Variants in RAPH1 observed in about 807,000 individuals in gnomAD.
RAPH1 encodes the protein ras-associated and pleckstrin homology domains-containing protein 1.
Under a neutral mutation model 88.1 loss-of-function variants are expected in RAPH1, and 18 were observed. The ratio of observed to expected loss-of-function variants is 0.20; its 90% CI spans 0.14 to 0.30. RAPH1 has a LOEUF of 0.30. RAPH1 is among the 10% of genes least tolerant of loss of function. The pLI, the probability that RAPH1 is intolerant of heterozygous loss-of-function variation, is 1.00. For synonymous variants in RAPH1, 587 were observed against 559.0 expected (o/e 1.05, Z -0.71); for missense variants, 1,448 against 1,543.2 (o/e 0.94, Z 1.03).
At chr2:203,526,930 C>T (rs1187397918) in intron 1 of RAPH1, among the ~76,000 whole-genome samples, 4 of 151,796 alleles carry the variant, frequency 2.6e-5, no homozygotes, top group African/African-American at 9.7e-5. Context: ...ATTACAGGCA[C>T]ATGCCACCAC....
At chr2:203,463,956 C>T (rs1467857544) in intron 4 of RAPH1, among the ~76,000 whole-genome samples, 2 of 152,078 alleles carry the variant, frequency 1.3e-5, no homozygotes, top group Non-Finnish European at 2.9e-5. Flanking sequence ...TTTTGATGAA[C>T]AGAGCACTAC....
At chr2:203,534,665 G>A (rs2106029579) in intron 1 of RAPH1, among the ~76,000 whole-genome samples, 1 of 152,250 alleles carries the variant, frequency 6.6e-6, no homozygotes, top group South Asian at 2.1e-4. Context: ...CAAAATCTCT[G>A]CACTGAACTC....
intron 12 of RAPH1, 123 bp downstream of exon 12, chr2:203,447,836 A>C: frequency 1.1e-6 from 1 of 950,862 alleles, no homozygotes; most frequent in South Asian, 1.9e-5. Context: ...ATTGATTATA[A>C]TTTAGGAATT....
At chr2:203,472,741 ACT>A (rs2105744163) in intron 4 of RAPH1, among the ~76,000 whole-genome samples, 1 of 152,298 alleles carries the variant, frequency 6.6e-6, no homozygotes, top group East Asian at 1.9e-4. Flanking sequence ...ATCAAAACAA[ACT>A]ATGATTTGGT....
Position 203,434,656 on chromosome 2 carries a change from G to C in RAPH1, c.*4781C>G, listed in dbSNP as rs932925294. ...TTACAATAAATTTAACGAATGGACA[G>C]TTTGCAAAATATAAGGGTTTCTCCC... is the stretch of plus-strand genomic sequence containing the variant. On this transcript the variant is annotated 3_prime_UTR_variant, in exon 14 of 14. Coordinates refer to ENST00000319170, the MANE Select transcript of RAPH1 (RefSeq NM_213589.3). The C allele has an allele frequency of 6.6e-6, 1 of 152,396 alleles. No individual in the cohort carries two copies. Among genetic ancestry groups the C allele is most frequent in the Non-Finnish European group, 1.5e-5 (1 of 68,010 alleles). 9.4% of individuals were successfully genotyped at this position (152,396 alleles called of 1,614,324 possible).
At chr2:203,507,055 C>A (rs374514031) in intron 1 of RAPH1, among the ~76,000 whole-genome samples, 1 of 150,192 alleles carries the variant, frequency 6.7e-6, no homozygotes, top group Non-Finnish European at 1.5e-5. Context: ...TGCCACCACA[C>A]CCGGCTAATT....
chr2:203,526,709 A>AAC (rs1378353010), intron 1 of RAPH1, among the ~76,000 whole-genome samples: 1 of 144,792 alleles, frequency 6.9e-6, no homozygotes, highest in Non-Finnish European at 1.5e-5. Flanking sequence ...TCTGTCTCAA[A>AAC]AAAAAAAAAA....
intron 4 of RAPH1, among the ~76,000 whole-genome samples, chr2:203,484,457 C>T (rs1023850771): frequency 5.9e-5 from 9 of 152,184 alleles, no homozygotes; most frequent in African/African-American, 1.9e-4. Flanking sequence ...TAGTAGCACA[C>T]GCCCTTGATG....
chr2:203,483,761 G>C (rs367982871), intron 4 of RAPH1, among the ~76,000 whole-genome samples: 9 of 152,286 alleles, frequency 5.9e-5, no homozygotes, highest in Non-Finnish European at 7.4e-5. Context: ...AAAAAAGGCA[G>C]AGAAAAGGTG....
In RAPH1 at chr2:203,454,487, A is replaced by G. The variant is rs772335775; in HGVS notation, c.1356T>C (p.Tyr452=). ...FLQLDHVNVY[Y]GQDYRNKYKA... is the part of the protein sequence containing the mutation. Reference sequence around the variant, plus strand: ...TGTATTTGTTCCGATAGTCCTGGCCATAATAAACGTTGACATGATCCAGCT... The same window carrying G: ...TGTATTTGTTCCGATAGTCCTGGCCGTAATAAACGTTGACATGATCCAGCT... Residue 452 remains tyrosine (Y), a synonymous_variant, in exon 10 of 14, where the codon TAT becomes TAC. Coordinates refer to ENST00000319170, the MANE Select transcript of RAPH1 (RefSeq NM_213589.3). The G allele has an allele frequency of 1.9e-6, 3 of 1,613,874 alleles. No homozygotes were observed. Among genetic ancestry groups the G allele is most frequent in the East Asian group, 4.5e-5 (2 of 44,856 alleles).
intron 10 of RAPH1, among the ~76,000 whole-genome samples, chr2:203,451,740 T>G (rs1482836971): frequency 6.6e-6 from 1 of 152,214 alleles, no homozygotes; most frequent in South Asian, 2.1e-4. Context: ...TATGGCTATC[T>G]CCTCCTCCCC....
At chr2:203,445,348 GTC>G (rs1307889077) in intron 12 of RAPH1, 3 of 207,668 alleles carry the variant, frequency 1.4e-5, no homozygotes, top group Non-Finnish European at 1.9e-5. Flanking sequence ...CAGTAGAGGA[GTC>G]TCTCAATCAT....
At chr2:203,489,277 T>C (rs905363593) in intron 4 of RAPH1, among the ~76,000 whole-genome samples, 1 of 152,230 alleles carries the variant, frequency 6.6e-6, no homozygotes, top group Non-Finnish European at 1.5e-5. Context: ...AACTAAATGG[T>C]TTTGTGAATC....
intron 1 of RAPH1, 36 bp from the exon 2 acceptor site, chr2:203,495,389 G>A: frequency 1.2e-6 from 2 of 1,610,726 alleles, no homozygotes; most frequent in Non-Finnish European, 8.5e-7. Flanking sequence ...TGAATAGTAA[G>A]TTACAGGTTT....
At chr2:203,455,207 A>C (rs2098518286) in intron 9 of RAPH1, among the ~76,000 whole-genome samples, 1 of 152,236 alleles carries the variant, frequency 6.6e-6, no homozygotes, top group Non-Finnish European at 1.5e-5. Flanking sequence ...AAATAAAACT[A>C]TGATTTCAAA....
At chr2:203,508,417 G>C (rs868221898) in intron 1 of RAPH1, among the ~76,000 whole-genome samples, 2 of 151,814 alleles carry the variant, frequency 1.3e-5, no homozygotes, top group Non-Finnish European at 2.9e-5. Flanking sequence ...ACAGGCGTGA[G>C]CCACCACGCC....
intron 1 of RAPH1, among the ~76,000 whole-genome samples, chr2:203,514,721 A>T (rs1022547387): frequency 1.3e-5 from 2 of 151,754 alleles, no homozygotes; most frequent in Non-Finnish European, 2.9e-5. Context: ...CGTGCAGCTA[A>T]TTTTTTGTAT....
chr2:203,492,774 CTTT>C (rs34762923), intron 2 of RAPH1, among the ~76,000 whole-genome samples: 23 of 144,902 alleles, frequency 1.6e-4, no homozygotes, highest in East Asian at 2.0e-4. Context: ...ATAATGCTAT[CTTT>C]TTTTTTTTTT....
intron 8 of RAPH1, 134 bp from the exon 9 acceptor site, chr2:203,455,714 C>A (rs2098518817): frequency 2.5e-6 from 2 of 793,524 alleles, no homozygotes. Context: ...GCTAATTTAA[C>A]CTCAATTAGA....
Sources: gnomAD v4.1 joint callset for allele counts (sites outside exome capture counted in the v4.1 genomes callset) on GRCh38, gnomAD v4.1.1 for gene constraint, MANE v1.5 for transcripts, NCBI Gene and HGNC (gene_info 2026-07-23, HGNC 2026-07-21) for gene names.